Variants in FTSJ3 observed in about 807,000 individuals in gnomAD.
FTSJ3 encodes pre-rRNA 2'-O-ribose RNA methyltransferase FTSJ3.
A neutral mutation model predicts 111.5 loss-of-function variants in FTSJ3; 46 were observed. The ratio of observed to expected loss-of-function variants is 0.41; its 90% CI spans 0.33 to 0.53. FTSJ3 has a LOEUF of 0.53. Among genes scored for constraint, FTSJ3 ranks in the 20% least tolerant of loss-of-function variants. The pLI is 0.19. For missense variants in FTSJ3, 1,075 were observed against 1,063.8 expected, an observed-to-expected ratio of 1.01 and a Z score of -0.15; for synonymous variants, 408 against 383.0, an observed-to-expected ratio of 1.07 and a Z score of -0.76.
In FTSJ3 at chr17:63,825,558, C is replaced by T. The variant is rs1450286723; in HGVS notation, c.378G>A (p.Trp126Ter). ...NDGAPNVGAS[W>*]VHDAYSQAHL... is the part of the protein sequence containing the mutation. ...TACCTTGTGAGTAAGCATCATGGACCCAGCTAGCCCCAACGTTGGGGGCCC... is the reference window on the plus strand; with the variant it reads ...TACCTTGTGAGTAAGCATCATGGACTCAGCTAGCCCCAACGTTGGGGGCCC... Residue 126 changes from tryptophan to a stop codon, truncating the protein, a stop_gained, in exon 6 of 21, where the codon TGG becomes TGA. Transcript: ENST00000427159. LOFTEE classifies it high-confidence loss of function. 6.2e-7 allele frequency: 1 copy of T among 1,614,172 alleles called. No individual in the cohort carries two copies. Among genetic ancestry groups the T allele is most frequent in the South Asian group, 1.1e-5 (1 of 91,066 alleles).
In FTSJ3 at chr17:63,826,685, A is replaced by AC. The variant is rs778236786; in HGVS notation, c.68-14dup. The AC allele has an allele frequency of 2.5e-6, 4 of 1,607,938 alleles. No homozygotes were observed. The Admixed American group carries it at 6.7e-5, about 27-fold the overall frequency. ...CGGGAACGGTAACCTGGACAAAACA[A>AC]CCAAGTGCGCAAACTGCTTCACTAG... On this transcript the variant is annotated splice_polypyrimidine_tract_variant and intron_variant, in intron 2 of 20. Transcript: ENST00000427159.
intron 13 of FTSJ3, 152 bp downstream of exon 13, chr17:63,823,665 T>C (rs1326085720): frequency 2.7e-6 from 2 of 750,838 alleles, no homozygotes; most frequent in South Asian, 3.5e-5. Flanking sequence ...TATGTTTCTT[T>C]GTGGCCTTAT....
At position 63,826,891 on chromosome 17, in the gene FTSJ3, C is replaced by G. The variant is rs1259461984; in HGVS notation, c.12G>C (p.Lys4Asn). The part of the protein sequence containing the change: MGK[K>N]GKVGKSRRDK... ...CTCGTCGGCTCTTGCCAACTTTGCC[C>G]TTCTTGCCCATGGTGGAAAGGGGGA... Residue 4 changes from lysine to asparagine, a missense_variant, in exon 2 of 21, where the codon AAG (lysine) becomes AAC (asparagine). By Grantham distance (94) the Lys-to-Asn change is moderately conservative. Transcript: ENST00000427159. 1 of 1,614,066 alleles carries G rather than the reference C, an allele frequency of 6.2e-7. No homozygotes were observed. The highest frequency in any genetic ancestry group is 2.2e-5 in the East Asian group (1 of 44,886).
intron 13 of FTSJ3, among the ~76,000 whole-genome samples, chr17:63,822,849 A>G (rs938652326): frequency 2.8e-4 from 43 of 152,176 alleles, no homozygotes; most frequent in African/African-American, 1.0e-3. Context: ...GATTACACCT[A>G]TCTTTTTTTA....
rs754960590 is a variant in FTSJ3 at position 63,821,389 on chromosome 17, G to A, written c.1851C>T (p.Asp617=). The part of the protein sequence containing the change: ...LEGEEKDGIS[D]SDSSTSSEEE... ...CCTCACTGCTAGTACTGCTATCACTGTCTGAGATGCCATCCTTTTCTTCCC... is the reference window on the plus strand; with the variant it reads ...CCTCACTGCTAGTACTGCTATCACTATCTGAGATGCCATCCTTTTCTTCCC... The change falls in exon 16 of 21, where the codon GAC becomes GAT. Residue 617 remains aspartate, a synonymous_variant. Coordinates refer to ENST00000427159, the MANE Select transcript of FTSJ3 (RefSeq NM_017647.4). 3 of 1,613,486 alleles carry A rather than the reference G, an allele frequency of 1.9e-6. No individual in the cohort carries two copies. In the Admixed American group the frequency reaches 5.0e-5, roughly 27 times the overall value.
In FTSJ3 at chr17:63,827,580, T is replaced by G. The variant is rs893199680; in HGVS notation, c.-555A>C. 5.9e-5 allele frequency: 91 copies of G among 1,548,912 alleles called. No individual in the cohort carries two copies. The highest frequency in any genetic ancestry group is 7.5e-5 in the Non-Finnish European group (86 of 1,146,274). ...GGGTGCGGAGCGAGCGTGATCTGAGTGGAGAGCGGGCCGGGGCAGGAGCGT... is the reference window on the plus strand; with the variant it reads ...GGGTGCGGAGCGAGCGTGATCTGAGGGGAGAGCGGGCCGGGGCAGGAGCGT... On this transcript the variant is annotated 5_prime_UTR_variant, in exon 1 of 21. Coordinates refer to ENST00000427159, the MANE Select transcript of FTSJ3 (RefSeq NM_017647.4).
Position 63,824,155 on chromosome 17 carries a change from T to TTCC in FTSJ3, c.1080_1082dup (p.Glu366dup). 2.5e-6 allele frequency: 4 copies of TTCC among 1,613,672 alleles called. No individual in the cohort carries two copies. Among genetic ancestry groups the TTCC allele is most frequent in the African/African-American group, 2.7e-5 (2 of 74,840 alleles). On this transcript the variant is annotated inframe_insertion, in exon 12 of 21. Transcript: ENST00000427159. ...GGTTCAGTTGTTCCTCCTCCTCCTCTTCCTCCTCCTCCTTAGAGGGCTGCT... is the reference window on the plus strand; with the variant it reads ...GGTTCAGTTGTTCCTCCTCCTCCTCTTCCTCCTCCTCCTCCTTAGAGGGCTGCT...
rs2040108140 is a variant in FTSJ3 at position 63,826,675 on chromosome 17, G to A, written c.68-3C>T. ...GAAAGCAGATCGGGAACGGTAACCT[G>A]GACAAAACAACCAAGTGCGCAAACT... is the stretch of plus-strand genomic sequence containing the variant. On this transcript the variant is annotated splice_region_variant and splice_polypyrimidine_tract_variant and intron_variant, in intron 2 of 20. Transcript: ENST00000427159. 2 of 1,612,378 alleles carry A rather than the reference G, an allele frequency of 1.2e-6. No homozygotes were observed. The highest frequency in any genetic ancestry group is 4.5e-5 in the East Asian group (2 of 44,870).
rs571479266 is a variant in FTSJ3, at chr17:63,820,448, A to G, written c.2073-10T>C. 3.7e-6 allele frequency: 6 copies of G among 1,613,572 alleles called. No individual in the cohort carries two copies. Among genetic ancestry groups the G allele is most frequent in the Middle Eastern group, 1.6e-4 (1 of 6,062 alleles). Reference sequence around the variant, plus strand: ...CTCATTAAATGTGTACCTGAGTGGAAAGGACATCTGTCTAATATCCAACAT... The same window carrying G: ...CTCATTAAATGTGTACCTGAGTGGAGAGGACATCTGTCTAATATCCAACAT... On this transcript the variant is annotated splice_polypyrimidine_tract_variant and intron_variant, in intron 18 of 20. Transcript: ENST00000427159.
chr17:63,825,627 C>T lies in FTSJ3; in HGVS notation c.309G>A (p.Arg103=), dbSNP rs763430952. ...ITTERCRQAL[R]KELKTWKVDV... ...CAACCTTCCAGGTCTTCAGCTCCTT[C>T]CTCAGGGCCTAAAGAGAAGAAAAGG... Residue 103 remains arginine, a synonymous_variant, in exon 6 of 21, where the codon AGG becomes AGA. Coordinates refer to ENST00000427159, the MANE Select transcript of FTSJ3 (RefSeq NM_017647.4). The T allele has an allele frequency of 3.1e-6, 5 of 1,613,792 alleles. No individual in the cohort carries two copies. The highest frequency in any genetic ancestry group is 1.7e-5 in the Admixed American group (1 of 60,030).
intron 17 of FTSJ3, 21 bp downstream of exon 17, chr17:63,821,009 C>T: frequency 1.2e-6 from 2 of 1,612,644 alleles, no homozygotes; most frequent in Non-Finnish European, 8.5e-7. Context: ...TTTCTCATTC[C>T]ACTGCATACA....
In FTSJ3 at chr17:63,825,095, C is replaced by G; in HGVS notation, c.664G>C (p.Val222Leu). Reference protein sequence around the residue: ...DPKFAFKEVEVQAKTVTELVT... With the variant: ...DPKFAFKEVELQAKTVTELVT... ...AATTCAGTAACGGTCTTAGCCTGAA[C>G]TTCAACCTCCTTAAAGGCAAATTTG... Residue 222 changes from valine (V) to leucine (L), a missense_variant, in exon 8 of 21, where the codon GTT (valine) becomes CTT (leucine). Physicochemically the swap from Val to Leu is conservative, Grantham distance 32. Around this residue, in one of 2 missense-constraint regions of FTSJ3, gnomAD observed 867 missense variants for 796.9 expected, o/e 1.09. Coordinates refer to ENST00000427159, the MANE Select transcript of FTSJ3 (RefSeq NM_017647.4). 6.2e-7 allele frequency: 1 copy of G among 1,614,206 alleles called. No individual in the cohort carries two copies. The highest frequency in any genetic ancestry group is 8.5e-7 in the Non-Finnish European group (1 of 1,180,034).
intron 13 of FTSJ3, among the ~76,000 whole-genome samples, chr17:63,823,020 T>G (rs111328094): frequency 6.6e-6 from 1 of 152,184 alleles, no homozygotes; most frequent in Non-Finnish European, 1.5e-5. Context: ...AGGGCCACCA[T>G]GCTCTACTGC....
In FTSJ3 at chr17:63,823,549, C is replaced by T. The variant is rs112756943; in HGVS notation, c.1290+268G>A. The T allele has an allele frequency of 8.6e-3, 2,852 of 333,214 alleles. 83 individuals are homozygous for T. Among genetic ancestry groups the T allele is most frequent in the African/African-American group, 0.057 (2,630 of 46,372 alleles). 20.6% of individuals were successfully genotyped at this position (333,214 alleles called of 1,614,324 possible). ...GGTGGAGCTTGCAGTGGGCCGAGAT[C>T]GTGCCACTGCACTCCAGCCTGGGCA... is the stretch of plus-strand genomic sequence containing the variant. On this transcript the variant is annotated intron_variant, in intron 13 of 20. Transcript: ENST00000427159.
Position 63,827,491 on chromosome 17 carries a change from A to T in FTSJ3, c.-466T>A. The T allele has an allele frequency of 6.4e-7, 1 of 1,551,754 alleles. No homozygotes were observed. Among genetic ancestry groups the T allele is most frequent in the Non-Finnish European group, 8.7e-7 (1 of 1,147,012 alleles). On this transcript the variant is annotated 5_prime_UTR_variant, in exon 1 of 21. Coordinates refer to ENST00000427159, the MANE Select transcript of FTSJ3 (RefSeq NM_017647.4). ...CGGCGGTCTCTGCTGAAGAGAGAAG[A>T]TGGCGCTTGACGGACCAGAGCAGGT...
At position 63,827,485 on chromosome 17, in the gene FTSJ3, G is replaced by C. The variant is rs2144614164; in HGVS notation, c.-460C>G. 3 of 1,551,754 alleles carry C rather than the reference G, an allele frequency of 1.9e-6. No individual in the cohort carries two copies. In the South Asian group the frequency reaches 3.6e-5, roughly 18 times the overall value. On this transcript the variant is annotated 5_prime_UTR_variant, in exon 1 of 21. Coordinates refer to ENST00000427159, the MANE Select transcript of FTSJ3 (RefSeq NM_017647.4). ...GGATGCCGGCGGTCTCTGCTGAAGAGAGAAGATGGCGCTTGACGGACCAGA... is the reference window on the plus strand; with the variant it reads ...GGATGCCGGCGGTCTCTGCTGAAGACAGAAGATGGCGCTTGACGGACCAGA...
chr17:63,820,002 G>C lies in FTSJ3; in HGVS notation c.2352-8C>G. 1 of 1,613,924 alleles carries C rather than the reference G, an allele frequency of 6.2e-7. No homozygotes were observed. Among genetic ancestry groups the C allele is most frequent in the Non-Finnish European group, 8.5e-7 (1 of 1,179,894 alleles). On this transcript the variant is annotated splice_polypyrimidine_tract_variant and splice_region_variant and intron_variant, in intron 20 of 20. Transcript: ENST00000427159. ...CCAGCCTTCTTGTAGAGACTACAGG[G>C]GGGAAGAGAAGAGGTTAGAGGCTTG...
chr17:63,826,919 A>C lies in FTSJ3; in HGVS notation c.-17T>G, dbSNP rs774152900. On this transcript the variant is annotated 5_prime_UTR_variant, in exon 2 of 21. Coordinates refer to ENST00000427159, the MANE Select transcript of FTSJ3 (RefSeq NM_017647.4). ...CTTGCCCATGGTGGAAAGGGGGAGT[A>C]TCCCTCAATCTGGGGAGAAAGTAGA... 1 of 1,607,010 alleles carries C rather than the reference A, an allele frequency of 6.2e-7. No homozygotes were observed. The highest frequency in any genetic ancestry group is 1.1e-5 in the South Asian group (1 of 90,944).
chr17:63,827,393 G>C lies in FTSJ3; in HGVS notation c.-368C>G, dbSNP rs887126953. On this transcript the variant is annotated 5_prime_UTR_variant, in exon 1 of 21. Transcript: ENST00000427159. ...GCCGCACACCCCGCCCATTGACCCG[G>C]AATTCTTCTCTGCCTGGTCTTCAGG... 3.9e-6 allele frequency: 6 copies of C among 1,528,486 alleles called. No individual in the cohort carries two copies. The highest frequency in any genetic ancestry group is 1.4e-5 in the African/African-American group (1 of 72,730). 94.7% of individuals were successfully genotyped at this position (1,528,486 alleles called of 1,614,324 possible).
Sources: gnomAD v4.1 joint callset for allele counts (sites outside exome capture counted in the v4.1 genomes callset) on GRCh38, gnomAD v4.1.1 for gene constraint, gnomAD v4.1.1 regional missense constraint, MANE v1.5 for transcripts, NCBI Gene and HGNC (gene_info 2026-07-23, HGNC 2026-07-21) for gene names.